DACH1: variants seen among roughly 807,000 people sequenced by gnomAD.
DACH1 encodes the protein dachshund family transcription factor 1.
DACH1 carries 12 observed loss-of-function variants against 54.2 expected under a neutral mutation model. The ratio of observed to expected loss-of-function variants is 0.22; its 90% CI spans 0.14 to 0.36. The LOEUF (loss-of-function observed/expected upper bound fraction) is 0.36. Among genes scored for constraint, DACH1 ranks in the 10% least tolerant of loss-of-function variants. DACH1 has a pLI of 1.00. For synonymous variants in DACH1, 386 were observed against 366.2 expected (o/e 1.05, Z -0.62); for missense variants, 805 against 929.8 (o/e 0.87, Z 1.75).
intron 1 of DACH1, among the ~76,000 whole-genome samples, chr13:71,737,571 A>C (rs978412588): frequency 7.9e-5 from 12 of 152,246 alleles, no homozygotes; most frequent in African/African-American, 2.7e-4. Flanking sequence ...TAAATTTTAA[A>C]AAGTTAGATT....
chr13:71,611,679 C>A (rs760940394), intron 3 of DACH1, among the ~76,000 whole-genome samples: 83 of 152,102 alleles, frequency 5.5e-4, no homozygotes, highest in Admixed American at 7.2e-4. Flanking sequence ...TCTATACCAG[C>A]AATGTAAATT....
At chr13:71,571,335 C>T (rs1458215911) in intron 4 of DACH1, among the ~76,000 whole-genome samples, 2 of 152,058 alleles carry the variant, frequency 1.3e-5, no homozygotes, top group African/African-American at 4.8e-5. Flanking sequence ...CCGCCAAACT[C>T]CTCTTCTAGA....
chr13:71,852,316 A>C (rs902599989), intron 1 of DACH1, among the ~76,000 whole-genome samples: 2 of 151,614 alleles, frequency 1.3e-5, no homozygotes, highest in Admixed American at 1.3e-4. Flanking sequence ...TGAGGGAGAA[A>C]GCCTGCTGAG....
chr13:71,781,653 C>T (rs1444879012), intron 1 of DACH1, among the ~76,000 whole-genome samples: 1 of 152,136 alleles, frequency 6.6e-6, no homozygotes. Context: ...GCTGGGATTA[C>T]AGGCGTGAGC....
At chr13:71,476,267 T>A (rs950330604) in intron 8 of DACH1, among the ~76,000 whole-genome samples, 6 of 152,190 alleles carry the variant, frequency 3.9e-5, no homozygotes, top group Non-Finnish European at 8.8e-5. Flanking sequence ...TATTTCCTCA[T>A]AGGGCATCAA....
intron 3 of DACH1, among the ~76,000 whole-genome samples, chr13:71,576,822 A>G (rs970864606): frequency 2.0e-5 from 3 of 152,086 alleles, no homozygotes; most frequent in Non-Finnish European, 4.4e-5. Flanking sequence ...CTAGGTATCT[A>G]GAAGACAGAA....
chr13:71,832,533 C>A (rs1888632080), intron 1 of DACH1, among the ~76,000 whole-genome samples: 1 of 151,774 alleles, frequency 6.6e-6, no homozygotes, highest in African/African-American at 2.4e-5. Flanking sequence ...CCATTCTTGT[C>A]AAAAAATGGC....
intron 2 of DACH1, among the ~76,000 whole-genome samples, chr13:71,669,541 C>T (rs1880084647): frequency 6.6e-6 from 1 of 152,038 alleles, no homozygotes; most frequent in Admixed American, 6.6e-5. Context: ...ATATAATGTG[C>T]TTGAATCATC....
chr13:71,750,228 C>T (rs1436731434), intron 1 of DACH1, among the ~76,000 whole-genome samples: 6 of 152,164 alleles, frequency 3.9e-5, no homozygotes, highest in Admixed American at 2.0e-4. Flanking sequence ...CCCTGAAATA[C>T]CTGAGCTTCT....
chr13:71,726,259 A>G (rs1169438662), intron 1 of DACH1, among the ~76,000 whole-genome samples: 1 of 152,120 alleles, frequency 6.6e-6, no homozygotes, highest in Non-Finnish European at 1.5e-5. Context: ...GAATTTTCCT[A>G]TTTATATGCA....
chr13:71,504,715 A>G (rs1171698402), intron 6 of DACH1, among the ~76,000 whole-genome samples: 3 of 152,230 alleles, frequency 2.0e-5, no homozygotes, highest in Non-Finnish European at 2.9e-5. Context: ...ATGAGAATAT[A>G]GAACCATTTC....
chr13:71,661,458 T>C (rs951894239), intron 2 of DACH1, among the ~76,000 whole-genome samples: 3 of 151,980 alleles, frequency 2.0e-5, no homozygotes, highest in Non-Finnish European at 4.4e-5. Flanking sequence ...ACTATCAATA[T>C]AGATGACTAT....
chr13:71,866,511 C>CGCCGCCGCCTCCGCT lies in DACH1; in HGVS notation c.244_258dup (p.Ser82_Gly86dup). The CGCCGCCGCCTCCGCT allele has an allele frequency of 1.6e-6, 2 of 1,215,148 alleles. No homozygotes were observed. Among genetic ancestry groups the CGCCGCCGCCTCCGCT allele is most frequent in the Non-Finnish European group, 2.0e-6 (2 of 981,266 alleles). The allele number at this position is 1,215,148 out of a possible 1,614,324, so 75.3% of individuals were successfully genotyped here. ...CCGCCGCCTCCGTTGCCGCTGCTGC[C>CGCCGCCGCCTCCGCT]GCCGCCGCCTCCGCTGCCGCCGCCG... is the stretch of plus-strand genomic sequence containing the variant. On this transcript the variant is annotated inframe_insertion, in exon 1 of 11. Transcript: ENST00000613252.
intron 1 of DACH1, among the ~76,000 whole-genome samples, chr13:71,702,978 C>T (rs1435027195): frequency 2.0e-5 from 3 of 152,114 alleles, no homozygotes; most frequent in Non-Finnish European, 2.9e-5. Flanking sequence ...TATAGTCTAA[C>T]ATATTTATTG....
chr13:71,783,430 T>C (rs1303047828), intron 1 of DACH1, among the ~76,000 whole-genome samples: 1 of 152,208 alleles, frequency 6.6e-6, no homozygotes, highest in Non-Finnish European at 1.5e-5. Context: ...TCCCCGCTTA[T>C]GTTTTCCTAT....
At chr13:71,763,778 T>C (rs889132801) in intron 1 of DACH1, among the ~76,000 whole-genome samples, 1 of 152,232 alleles carries the variant, frequency 6.6e-6, no homozygotes, top group Non-Finnish European at 1.5e-5. Flanking sequence ...AGCAAAAATA[T>C]CATTTATAAA....
At chr13:71,859,331 G>A (rs1015816473) in intron 1 of DACH1, among the ~76,000 whole-genome samples, 9 of 151,688 alleles carry the variant, frequency 5.9e-5, no homozygotes, top group African/African-American at 1.7e-4. Context: ...ATCTATGTCC[G>A]AATAAACCAA....
rs181273103 is a variant in DACH1, at chr13:71,563,241, T to C, written c.1300-3286A>G. 8.1e-3 allele frequency among the ~76,000 whole-genome samples: 1,233 copies of C among 152,174 alleles called. 22 individuals are homozygous for C. The highest frequency in any genetic ancestry group is 8.4e-3 in the Non-Finnish European group (571 of 67,894). ...TTCCAAAGTTCACTCACATCAATGC[T>C]TATCTATCAATAAATTTTAACATTT... is the stretch of plus-strand genomic sequence containing the variant. On this transcript the variant is annotated intron_variant, in intron 4 of 10. Transcript: ENST00000613252.
chr13:71,813,339 G>A (rs1887791589), intron 1 of DACH1, among the ~76,000 whole-genome samples: 1 of 152,052 alleles, frequency 6.6e-6, no homozygotes, highest in African/African-American at 2.4e-5. Context: ...AAACCAGAGG[G>A]CCCTATGTGT....
Sources: gnomAD v4.1 joint callset for allele counts (sites outside exome capture counted in the v4.1 genomes callset) on GRCh38, gnomAD v4.1.1 for gene constraint, MANE v1.5 for transcripts, NCBI Gene and HGNC (gene_info 2026-07-23, HGNC 2026-07-21) for gene names.